The following SYNPO variants were observed in gnomAD, a reference collection of about 807,000 sequenced individuals.
SYNPO encodes synaptopodin.
In SYNPO, 19 loss-of-function variants were observed where a neutral mutation model predicts 49.5. The ratio of observed to expected loss-of-function variants is 0.38; its 90% CI spans 0.27 to 0.56. SYNPO has a LOEUF of 0.56. Ranked by LOEUF, SYNPO falls within the 20% of genes least tolerant of loss-of-function variation. The pLI is 0.68. For missense variants in SYNPO, 1,131 were observed against 1,248.3 expected, an observed-to-expected ratio of 0.91 and a Z score of 1.42; for synonymous variants, 536 against 548.0, an observed-to-expected ratio of 0.98 and a Z score of 0.31.
chr5:150,640,886 G>A, intron 1 of SYNPO, 32 bp downstream of exon 1: 1 of 978,198 alleles, frequency 1.0e-6, no homozygotes, highest in East Asian at 1.1e-4. Context: ...AGGTGCCTTT[G>A]TGGCTTGGGG....
At chr5:150,646,385 G>A (rs1233182714) in intron 1 of SYNPO, among the ~76,000 whole-genome samples, 1 of 152,050 alleles carries the variant, frequency 6.6e-6, no homozygotes, top group African/African-American at 2.4e-5. Flanking sequence ...TAAATTTTTA[G>A]ACTATGTGAA....
chr5:150,599,552 T>C (rs1756484697), upstream of SYNPO, among the ~76,000 whole-genome samples: 1 of 152,152 alleles, frequency 6.6e-6, no homozygotes, highest in Non-Finnish European at 1.5e-5. Context: ...TTACCACCAG[T>C]GTGGCCTAGG....
Position 150,649,634 on chromosome 5 carries a change from C to G in SYNPO, c.1359C>G (p.Ala453=). Residue 453 remains alanine (A), a synonymous_variant, in exon 2 of 3, where the codon GCC becomes GCG. Coordinates refer to ENST00000307662, the MANE Select transcript of SYNPO (RefSeq NM_007286.6). ...AAAEEVVPEW[A]SCLKSPRIQA... is the part of the protein sequence containing the mutation. ...CGGAGGAGGTGGTACCAGAGTGGGC[C>G]TCCTGCCTCAAGTCACCCCGCATCC... 6.2e-7 allele frequency: 1 copy of G among 1,609,014 alleles called. No individual in the cohort carries two copies. The highest frequency in any genetic ancestry group is 1.3e-5 in the African/African-American group (1 of 75,028).
At chr5:150,594,642 A>T in the SYNPO span, among the ~76,000 whole-genome samples, 5 of 152,124 alleles carry the variant, frequency 3.3e-5, no homozygotes, top group African/African-American at 9.7e-5. Flanking sequence ...CGGGCCTCAC[A>T]TTTGCAGACT....
chr5:150,619,621 G>A (rs1200242620), intron 2 of SYNPO, among the ~76,000 whole-genome samples: 2 of 152,188 alleles, frequency 1.3e-5, no homozygotes, highest in East Asian at 1.9e-4. Context: ...TGGGGAGGAC[G>A]TGAGCAGGGC....
intron 2 of SYNPO, among the ~76,000 whole-genome samples, chr5:150,631,942 G>A (rs1438156803): frequency 6.6e-6 from 1 of 152,150 alleles, no homozygotes; most frequent in Non-Finnish European, 1.5e-5. Flanking sequence ...GGACAAAGGA[G>A]GGTCAGCTTG....
chr5:150,599,218 T>C (rs1438166529), upstream of SYNPO, among the ~76,000 whole-genome samples: 1 of 152,202 alleles, frequency 6.6e-6, no homozygotes. Flanking sequence ...ATGCTCACAG[T>C]TGAGTGAAAC....
intron 2 of SYNPO, among the ~76,000 whole-genome samples, chr5:150,656,038 G>C (rs1466344938): frequency 1.3e-5 from 2 of 152,232 alleles, no homozygotes; most frequent in Non-Finnish European, 2.9e-5. Flanking sequence ...TTTTCCATCA[G>C]TTATCTCATT....
chr5:150,592,460 C>T, the SYNPO span, among the ~76,000 whole-genome samples: 3,906 of 151,916 alleles, frequency 0.026, 168 homozygotes, highest in African/African-American at 0.089. Flanking sequence ...CCCTATGCCA[C>T]CAAGAAAAAA....
chr5:150,596,350 C>A (rs1055202700), upstream of SYNPO, among the ~76,000 whole-genome samples: 2 of 152,162 alleles, frequency 1.3e-5, no homozygotes, highest in Non-Finnish European at 2.9e-5. Flanking sequence ...GCTCTCTAGG[C>A]TCTCTAGGCC....
chr5:150,622,091 C>A (rs1261230413), intron 2 of SYNPO, among the ~76,000 whole-genome samples: 1 of 152,248 alleles, frequency 6.6e-6, no homozygotes, highest in Middle Eastern at 3.2e-3. Flanking sequence ...GAACCCAGGG[C>A]TTATGCCTCC....
chr5:150,588,955 T>C, the SYNPO span, among the ~76,000 whole-genome samples: 1 of 152,232 alleles, frequency 6.6e-6, no homozygotes, highest in Non-Finnish European at 1.5e-5. Context: ...TTGTATGTCT[T>C]TGGAGCAATA....
chr5:150,644,733 G>A (rs960140978), intron 1 of SYNPO, among the ~76,000 whole-genome samples: 3 of 152,364 alleles, frequency 2.0e-5, no homozygotes, highest in East Asian at 1.9e-4. Flanking sequence ...GAGCAGGGGA[G>A]ACAGACACAG....
At chr5:150,639,866 TG>T (rs1007969633), upstream of SYNPO, among the ~76,000 whole-genome samples, 2 of 152,184 alleles carry the variant, frequency 1.3e-5, no homozygotes, top group Non-Finnish European at 2.9e-5. Flanking sequence ...TTGCAGTCTC[TG>T]GGGGAAAATA....
intron 2 of SYNPO, among the ~76,000 whole-genome samples, chr5:150,627,950 G>C (rs1036244247): frequency 6.6e-6 from 1 of 152,056 alleles, no homozygotes; most frequent in Non-Finnish European, 1.5e-5. Flanking sequence ...CTGAGATCTG[G>C]TCAGAGGGGC....
At chr5:150,623,470 G>A (rs1478793385) in intron 2 of SYNPO, among the ~76,000 whole-genome samples, 1 of 152,126 alleles carries the variant, frequency 6.6e-6, no homozygotes, top group Non-Finnish European at 1.5e-5. Context: ...CACTCTCAGG[G>A]TTAGCGATAC....
rs755697915 is a variant in SYNPO at position 150,648,111 on chromosome 5, G to A, written c.-165G>A. The A allele has an allele frequency of 1.2e-5, 19 of 1,551,884 alleles. No individual in the cohort carries two copies. The highest frequency in any genetic ancestry group is 9.5e-5 in the South Asian group (8 of 84,116). ...GAACGAGTTCACCTTGGAGAGCCAC[G>A]GCCAGAGGGGACAGAAGCCCAGCCA... On this transcript the variant is annotated 5_prime_UTR_variant, in exon 2 of 3. Transcript: ENST00000307662. The surrounding 1 kb of genome is among the most constrained non-coding windows in gnomAD (Gnocchi z 5.0).
rs1255028979 is a variant in SYNPO at position 150,656,411 on chromosome 5, G to C, written c.2036G>C (p.Arg679Pro). The C allele has an allele frequency of 4.6e-6, 7 of 1,529,090 alleles. No individual in the cohort carries two copies. Among genetic ancestry groups the C allele is most frequent in the South Asian group, 1.2e-5 (1 of 83,224 alleles). The allele number at this position is 1,529,090 out of a possible 1,614,324, so 94.7% of individuals were successfully genotyped here. ...TCTCTGCTCTCTCCCCAGGACCGCC[G>C]GGAGAGCCTGCCCACCTCCCCACCC... ...RNAGIEAQDRRESLPTSPPWT... is the reference protein window; with the variant it reads ...RNAGIEAQDRPESLPTSPPWT... Residue 679 changes from arginine (R) to proline (P), a missense_variant, in exon 3 of 3, where the codon CGG (arginine) becomes CCG (proline). Physicochemically the swap from Arg to Pro is moderately radical, Grantham distance 103. Around this residue, in one of 4 missense-constraint regions of SYNPO, gnomAD observed 509 missense variants for 484.5 expected, o/e 1.05. Coordinates refer to ENST00000307662, the MANE Select transcript of SYNPO (RefSeq NM_007286.6).
intron 2 of SYNPO, among the ~76,000 whole-genome samples, chr5:150,630,659 G>A (rs1046969964): frequency 4.6e-5 from 7 of 152,090 alleles, no homozygotes; most frequent in African/African-American, 1.4e-4. Context: ...TGGGGGCCCC[G>A]CCCACCATAC....
Sources: gnomAD v4.1 joint callset for allele counts (sites outside exome capture counted in the v4.1 genomes callset) on GRCh38, gnomAD v4.1.1 for gene constraint, gnomAD v4.1.1 regional missense constraint, Gnocchi (gnomAD v3.1) non-coding constraint, MANE v1.5 for transcripts, NCBI Gene and HGNC (gene_info 2026-07-23, HGNC 2026-07-21) for gene names.